The following NKAIN3 variants were observed in gnomAD, a reference collection of about 807,000 sequenced individuals.
The protein encoded by NKAIN3 is sodium/potassium-transporting ATPase subunit beta-1-interacting protein 3.
A neutral mutation model predicts 30.2 loss-of-function variants in NKAIN3; 25 were observed. The observed-to-expected ratio is 0.83, with a 90% confidence interval of 0.60 to 1.16. The LOEUF (loss-of-function observed/expected upper bound fraction) is 1.16, where lower values mean the gene tolerates loss of function less well. NKAIN3 is among the 50% of genes most tolerant of loss of function. NKAIN3 has a pLI of 0.00. For synonymous variants in NKAIN3, 91 were observed against 89.6 expected, an observed-to-expected ratio of 1.02 and a Z score of -0.09; for missense variants, 225 against 254.1, an observed-to-expected ratio of 0.89 and a Z score of 0.78.
At chr8:62,909,411 AG>A (rs1821870145) in intron 4 of NKAIN3, among the ~76,000 whole-genome samples, 1 of 152,204 alleles carries the variant, frequency 6.6e-6, no homozygotes, top group South Asian at 2.1e-4. Flanking sequence ...GAAAGACAAA[AG>A]TTGTCTTTAA....
At chr8:62,838,592 C>A (rs941361266) in intron 4 of NKAIN3, among the ~76,000 whole-genome samples, 3 of 151,958 alleles carry the variant, frequency 2.0e-5, no homozygotes, top group Non-Finnish European at 4.4e-5. Flanking sequence ...ATTCATCTTG[C>A]AGATCAAGCA....
chr8:62,834,112 G>A (rs1819283076), intron 4 of NKAIN3, among the ~76,000 whole-genome samples: 1 of 151,928 alleles, frequency 6.6e-6, no homozygotes, highest in African/African-American at 2.4e-5. Context: ...CAGGCTTTTG[G>A]TAAAATCCAA....
At chr8:62,934,011 C>G (rs908004976) in intron 5 of NKAIN3, among the ~76,000 whole-genome samples, 1 of 152,152 alleles carries the variant, frequency 6.6e-6, no homozygotes, top group Non-Finnish European at 1.5e-5. Context: ...GGCATATCTA[C>G]TATAGAGAAA....
chr8:62,676,541 C>T (rs1813481176), intron 3 of NKAIN3, among the ~76,000 whole-genome samples: 1 of 152,186 alleles, frequency 6.6e-6, no homozygotes, highest in Non-Finnish European at 1.5e-5. Flanking sequence ...TGCACTCCAG[C>T]CTCCGCGACA....
intron 5 of NKAIN3, among the ~76,000 whole-genome samples, chr8:62,919,803 C>T (rs1822222520): frequency 6.6e-6 from 1 of 151,964 alleles, no homozygotes; most frequent in African/African-American, 2.4e-5. Flanking sequence ...CTGATGGGGT[C>T]TTGTCTCAAT....
intron 5 of NKAIN3, among the ~76,000 whole-genome samples, chr8:62,946,775 T>C (rs1319943705): frequency 6.6e-6 from 1 of 152,190 alleles, no homozygotes; most frequent in East Asian, 1.9e-4. Flanking sequence ...GGAACAATGA[T>C]GGAACAGAAA....
chr8:62,353,277 T>C (rs1449310029), intron 1 of NKAIN3, among the ~76,000 whole-genome samples: 4 of 152,266 alleles, frequency 2.6e-5, no homozygotes, highest in Non-Finnish European at 5.9e-5. Flanking sequence ...AGTTCCTATG[T>C]ACATTCTTAG....
At chr8:62,663,432 A>T (rs1183582840) in intron 3 of NKAIN3, among the ~76,000 whole-genome samples, 1 of 152,226 alleles carries the variant, frequency 6.6e-6, no homozygotes, top group Non-Finnish European at 1.5e-5. Context: ...AAGAGACAGC[A>T]GTAGGTTCGA....
chr8:62,512,880 G>A (rs1331414683), intron 1 of NKAIN3, among the ~76,000 whole-genome samples: 2 of 151,978 alleles, frequency 1.3e-5, no homozygotes, highest in Admixed American at 6.6e-5. Flanking sequence ...CTGAACAGAT[G>A]GTGCATTACC....
intron 1 of NKAIN3, among the ~76,000 whole-genome samples, chr8:62,501,053 A>G (rs1807436502): frequency 6.6e-6 from 1 of 152,154 alleles, no homozygotes; most frequent in South Asian, 2.1e-4. Context: ...ATTCTTATAC[A>G]TGTTCCTTTT....
intron 1 of NKAIN3, among the ~76,000 whole-genome samples, chr8:62,576,092 A>G (rs1810100430): frequency 6.6e-6 from 1 of 152,146 alleles, no homozygotes; most frequent in Non-Finnish European, 1.5e-5. Context: ...AGCACAGGCA[A>G]CCAAACCAAA....
chr8:62,633,477 G>T (rs1812030192), intron 3 of NKAIN3, among the ~76,000 whole-genome samples: 1 of 152,130 alleles, frequency 6.6e-6, no homozygotes, highest in Non-Finnish European at 1.5e-5. Flanking sequence ...AACAATAATA[G>T]TATTCACCAT....
chr8:62,315,108 T>C (rs1244287325), intron 1 of NKAIN3, among the ~76,000 whole-genome samples: 1 of 152,172 alleles, frequency 6.6e-6, no homozygotes, highest in Non-Finnish European at 1.5e-5. Flanking sequence ...ACATCTCTTG[T>C]TTTTCTAACA....
At chr8:62,363,846 A>C (rs1248367909) in intron 1 of NKAIN3, among the ~76,000 whole-genome samples, 1 of 62,146 alleles carries the variant, frequency 1.6e-5, no homozygotes, top group African/African-American at 1.0e-4. Flanking sequence ...TGAAAGAAAA[A>C]GATAGTTTCT....
chr8:62,751,627 T>A (rs1244397331), intron 4 of NKAIN3, among the ~76,000 whole-genome samples: 1 of 152,216 alleles, frequency 6.6e-6, no homozygotes, highest in Non-Finnish European at 1.5e-5. Context: ...GTTTATTTAA[T>A]ACTCTTCTAT....
chr8:62,617,140 G>C (rs1811480786), intron 3 of NKAIN3, among the ~76,000 whole-genome samples: 1 of 152,164 alleles, frequency 6.6e-6, no homozygotes, highest in African/African-American at 2.4e-5. Context: ...CTGAGTAAAT[G>C]CAAGTGCCAT....
intron 4 of NKAIN3, among the ~76,000 whole-genome samples, chr8:62,833,309 G>T (rs1052538822): frequency 7.2e-5 from 11 of 151,852 alleles, no homozygotes; most frequent in African/African-American, 2.4e-4. Flanking sequence ...GCTAGCAGAA[G>T]AAAATGAATA....
chr8:62,410,402 T>A (rs1804202690), intron 1 of NKAIN3, among the ~76,000 whole-genome samples: 1 of 152,226 alleles, frequency 6.6e-6, no homozygotes, highest in South Asian at 2.1e-4. Context: ...CTATTGTGAA[T>A]AACAAGGCAA....
rs571829476 is a variant in NKAIN3 at position 62,997,776 on chromosome 8, AG to A, written c.533-1453del. 6.2e-4 allele frequency among the ~76,000 whole-genome samples: 93 copies of A among 149,862 alleles called. No individual in the cohort carries two copies. The South Asian group carries it at 0.017, about 28-fold the overall frequency. On this transcript the variant is annotated intron_variant, in intron 5 of 5. Coordinates refer to the NKAIN3 transcript ENST00000519049. ...TCTTTAAAAAAAAAAAAAAAAGAGG[AG>A]GAGGAGGAACAATGTATGGTGAGTG...
Sources: allele counts gnomAD v4.1 joint callset (sites outside exome capture counted in the v4.1 genomes callset), GRCh38; gene constraint gnomAD v4.1.1; transcripts MANE v1.5; gene names NCBI Gene and HGNC (gene_info 2026-07-23, HGNC 2026-07-21).